The following SPECC1 variants were observed in gnomAD, a reference collection of about 807,000 sequenced individuals.
SPECC1 encodes the protein cytospin-B.
SPECC1 carries 62 observed loss-of-function variants against 104.1 expected under a neutral mutation model. The ratio of observed to expected loss-of-function variants is 0.60; its 90% CI spans 0.49 to 0.74. The LOEUF (loss-of-function observed/expected upper bound fraction) is 0.74, where lower values mean the gene tolerates loss of function less well. Ranked by LOEUF, SPECC1 falls within the 30% of genes least tolerant of loss-of-function variation. The probability of loss-of-function intolerance (pLI) is 0.00; values close to 1 mark genes in which losing one functional copy is unlikely to be tolerated. For missense variants in SPECC1, 1,306 were observed against 1,310.5 expected (o/e 1.00, Z 0.05); for synonymous variants, 513 against 501.6 (o/e 1.02, Z -0.30).
chr17:20,224,328 TGTG>T (rs1228371251), intron 4 of SPECC1, among the ~76,000 whole-genome samples: 1 of 152,168 alleles, frequency 6.6e-6, no homozygotes, highest in Non-Finnish European at 1.5e-5. Flanking sequence ...AGTCAAAACT[TGTG>T]GTGACTATTG....
At chr17:20,290,090 C>T (rs560534848) in intron 12 of SPECC1, among the ~76,000 whole-genome samples, 86 of 152,180 alleles carry the variant, frequency 5.7e-4, no homozygotes, top group African/African-American at 1.9e-3. Context: ...CATTCAAATA[C>T]GGCCGAGCCC....
intron 9 of SPECC1, among the ~76,000 whole-genome samples, chr17:20,251,772 T>G (rs1016741797): frequency 6.6e-6 from 1 of 152,252 alleles, no homozygotes; most frequent in African/African-American, 2.4e-5. Flanking sequence ...TGCTGGGCTG[T>G]GTTTTGATTG....
At position 20,317,860 on chromosome 17, in the gene SPECC1, C is replaced by G; in HGVS notation, c.*3795C>G. ...AGCACAGCAGCTAGTAGGGCTCCCC[C>G]AAGCCATCCGCTGGCGTGTGGAGGT... On this transcript the variant is annotated 3_prime_UTR_variant, in exon 15 of 15. Coordinates refer to ENST00000395527, the MANE Select transcript of SPECC1 (RefSeq NM_001243439.2). The G allele has an allele frequency of 4.4e-6, 1 of 226,292 alleles. No individual in the cohort carries two copies. Among genetic ancestry groups the G allele is most frequent in the East Asian group, 6.4e-5 (1 of 15,662 alleles). 14.0% of individuals were successfully genotyped at this position (226,292 alleles called of 1,614,324 possible).
chr17:20,096,744 C>T lies in SPECC1; in HGVS notation c.93C>T (p.Gly31=), dbSNP rs781139697. ...GGCCTCTGCCTGCAGCCTCTTCCGG[C>T]ATGAAGAGTTCTAAGTCTTCAACTT... ...RVRPLPAASS[G]MKSSKSSTSL... Residue 31 remains glycine, a synonymous_variant, in exon 2 of 15, where the codon GGC becomes GGT. Transcript: ENST00000395527. The T allele has an allele frequency of 6.2e-7, 1 of 1,614,230 alleles. No homozygotes were observed. Among genetic ancestry groups the T allele is most frequent in the Non-Finnish European group, 8.5e-7 (1 of 1,180,038 alleles).
intron 3 of SPECC1, among the ~76,000 whole-genome samples, chr17:20,172,409 C>T (rs939780772): frequency 3.9e-5 from 6 of 151,940 alleles, no homozygotes; most frequent in Non-Finnish European, 5.9e-5. Flanking sequence ...AATATACTGT[C>T]TCCTACTTAA....
At chr17:20,213,559 G>T (rs2037297973) in intron 4 of SPECC1, among the ~76,000 whole-genome samples, 1 of 152,184 alleles carries the variant, frequency 6.6e-6, no homozygotes, top group Non-Finnish European at 1.5e-5. Context: ...AACTAGGAGA[G>T]TTTTACCTGA....
At chr17:20,211,256 A>G (rs369159022) in intron 4 of SPECC1, among the ~76,000 whole-genome samples, 1 of 152,210 alleles carries the variant, frequency 6.6e-6, no homozygotes, top group Non-Finnish European at 1.5e-5. Context: ...CAGCTCACAC[A>G]TAAGGCATCC....
chr17:20,172,732 C>CCCTA (rs1378806118), intron 3 of SPECC1, among the ~76,000 whole-genome samples: 3 of 152,172 alleles, frequency 2.0e-5, no homozygotes, highest in African/African-American at 7.2e-5. Context: ...TGCCCACTAG[C>CCCTA]CCTTGATGAG....
chr17:20,086,973 G>C (rs2047203920), intron 1 of SPECC1: 1 of 152,186 alleles, frequency 6.6e-6, no homozygotes, highest in South Asian at 2.1e-4. Context: ...ACATCACAGG[G>C]CTGTGCCCAT....
intron 4 of SPECC1, among the ~76,000 whole-genome samples, chr17:20,213,470 C>T (rs942351591): frequency 5.3e-5 from 8 of 152,164 alleles, no homozygotes; most frequent in African/African-American, 1.9e-4. Flanking sequence ...ACACTTAAAG[C>T]AGACCTAAGA....
intron 1 of SPECC1, among the ~76,000 whole-genome samples, chr17:20,051,060 T>TTC: frequency 7.8e-6 from 1 of 128,582 alleles, no homozygotes; most frequent in Admixed American, 8.5e-5. Flanking sequence ...CTTTCTTTCT[T>TTC]TCTTTCTTTT....
intron 3 of SPECC1, among the ~76,000 whole-genome samples, chr17:20,188,401 G>A (rs925802501): frequency 2.6e-5 from 4 of 151,974 alleles, no homozygotes; most frequent in Non-Finnish European, 4.4e-5. Flanking sequence ...TGGGATACAG[G>A]TGCGCACCAC....
At position 20,246,043 on chromosome 17, in the gene SPECC1, T is replaced by C. The variant is rs1406954231; in HGVS notation, c.2469T>C (p.Leu823=). The C allele has an allele frequency of 1.2e-6, 2 of 1,614,202 alleles. No homozygotes were observed. Among genetic ancestry groups the C allele is most frequent in the South Asian group, 2.2e-5 (2 of 91,086 alleles). The change falls in exon 8 of 15, where the codon CTT becomes CTC. Residue 823 remains leucine (L), a synonymous_variant. Coordinates refer to ENST00000395527, the MANE Select transcript of SPECC1 (RefSeq NM_001243439.2). ...AGTCGGCAACCACCGTTAAGTCACT[T>C]ATCAAGTCATTTGACTTGGGACGCC... ...PPESATTVKS[L]IKSFDLGRPG... is the part of the protein sequence containing the mutation.
chr17:20,216,286 T>G (rs904557266), intron 4 of SPECC1, among the ~76,000 whole-genome samples: 2 of 152,078 alleles, frequency 1.3e-5, no homozygotes, highest in Non-Finnish European at 2.9e-5. Flanking sequence ...AAGCACTTCC[T>G]CTTTGCAGGA....
intron 12 of SPECC1, among the ~76,000 whole-genome samples, chr17:20,266,698 A>G (rs993891061): frequency 3.9e-5 from 6 of 152,250 alleles, no homozygotes; most frequent in African/African-American, 1.4e-4. Flanking sequence ...TAACTGAAAT[A>G]AAAGGTAACA....
At chr17:20,019,886 G>A (rs530752169) in intron 1 of SPECC1, among the ~76,000 whole-genome samples, 145 of 151,152 alleles carry the variant, frequency 9.6e-4, no homozygotes, top group Non-Finnish European at 1.8e-3. Flanking sequence ...CTTCTTTTCC[G>A]TGGTTTTATT....
At chr17:20,114,340 C>T (rs1449710894) in intron 3 of SPECC1, among the ~76,000 whole-genome samples, 1 of 152,044 alleles carries the variant, frequency 6.6e-6, no homozygotes, top group African/African-American at 2.4e-5. Flanking sequence ...TACAGGTGCA[C>T]ACCACCACGC....
At position 20,205,261 on chromosome 17, in the gene SPECC1, G is replaced by T. The variant is rs750082068; in HGVS notation, c.1212G>T (p.Met404Ile). The change falls in exon 4 of 15, where the codon ATG (methionine) becomes ATT (isoleucine). Residue 404 changes from methionine (M) to isoleucine (I), a missense_variant. Around this residue, in one of 2 missense-constraint regions of SPECC1, gnomAD observed 1,177 missense variants for 1,139.9 expected, o/e 1.03. Coordinates refer to ENST00000395527, the MANE Select transcript of SPECC1 (RefSeq NM_001243439.2). The stretch of plus-strand genomic sequence containing the variant: ...AAGAATTATCAGACCAGCAACAAAT[G>T]GTACAGGAATTGACAGCTGAAAATG... ...TLQELSDQQQ[M>I]VQELTAENEK... 3.1e-6 allele frequency: 5 copies of T among 1,614,146 alleles called. No homozygotes were observed. The South Asian group carries it at 5.5e-5, about 18-fold the overall frequency.
intron 4 of SPECC1, among the ~76,000 whole-genome samples, chr17:20,227,128 G>A (rs549864153): frequency 6.6e-6 from 1 of 152,270 alleles, no homozygotes; most frequent in East Asian, 1.9e-4. Context: ...CAGCCATTTG[G>A]AAGCATACAT....
Sources: allele counts gnomAD v4.1 joint callset (sites outside exome capture counted in the v4.1 genomes callset), GRCh38; gene constraint gnomAD v4.1.1; regional missense constraint gnomAD v4.1.1; transcripts MANE v1.5; gene names NCBI Gene and HGNC (gene_info 2026-07-23, HGNC 2026-07-21).